The following KIF6 variants were observed in gnomAD, a reference collection of about 807,000 sequenced individuals.
KIF6 encodes kinesin family member 6, also known as kinesin-like protein KIF6.
In KIF6, 106 loss-of-function variants were observed where a neutral mutation model predicts 112.7. The ratio of observed to expected loss-of-function variants is 0.94; its 90% CI spans 0.80 to 1.11. The LOEUF (loss-of-function observed/expected upper bound fraction) is 1.11. Ranked by LOEUF, KIF6 falls within the 50% of genes least tolerant of loss-of-function variation. KIF6 has a pLI of 0.00. For synonymous variants in KIF6, 339 were observed against 339.9 expected (o/e 1.00, Z 0.03); for missense variants, 929 against 964.0 (o/e 0.96, Z 0.48).
intron 16 of KIF6, among the ~76,000 whole-genome samples, chr6:39,383,286 T>C (rs1183154432): frequency 3.9e-5 from 6 of 152,250 alleles, no homozygotes; most frequent in Non-Finnish European, 5.9e-5. Context: ...TCTAGAATTT[T>C]AACAGATTGA....
intron 3 of KIF6, chr6:39,691,184 G>A (rs1014243373): frequency 3.9e-5 from 6 of 152,182 alleles, no homozygotes; most frequent in Non-Finnish European, 8.8e-5. Flanking sequence ...AACTTAGCTG[G>A]AAACAAAGCT....
chr6:39,512,233 T>A (rs750574648), intron 13 of KIF6, among the ~76,000 whole-genome samples: 3 of 152,232 alleles, frequency 2.0e-5, no homozygotes, highest in African/African-American at 4.8e-5. Flanking sequence ...GAAACAATAT[T>A]TTTTTAAACT....
At chr6:39,455,085 A>G (rs1258862313) in intron 13 of KIF6, among the ~76,000 whole-genome samples, 1 of 151,914 alleles carries the variant, frequency 6.6e-6, no homozygotes, top group Non-Finnish European at 1.5e-5. Context: ...ACAAACAAAA[A>G]GACAGCAGTA....
chr6:39,381,118 T>C (rs1766893807), intron 16 of KIF6, among the ~76,000 whole-genome samples: 1 of 152,112 alleles, frequency 6.6e-6, no homozygotes, highest in East Asian at 1.9e-4. Context: ...GGATATGGGA[T>C]TGCCTTTATA....
intron 10 of KIF6, among the ~76,000 whole-genome samples, chr6:39,572,477 A>T (rs1039647914): frequency 1.3e-5 from 2 of 151,990 alleles, no homozygotes; most frequent in Admixed American, 1.3e-4. Context: ...CTGCAAGAAG[A>T]CCTCTTTTTC....
intron 3 of KIF6, chr6:39,691,142 C>A (rs190218373): frequency 2.0e-5 from 3 of 152,174 alleles, no homozygotes; most frequent in African/African-American, 4.8e-5. Flanking sequence ...CTGGTTGGAA[C>A]TGAATTAGGA....
chr6:39,503,344 G>A (rs769925006), intron 13 of KIF6, among the ~76,000 whole-genome samples: 1 of 152,178 alleles, frequency 6.6e-6, no homozygotes, highest in Non-Finnish European at 1.5e-5. Flanking sequence ...CTAAAGCTGT[G>A]TTACGAGAGA....
intron 16 of KIF6, among the ~76,000 whole-genome samples, chr6:39,384,324 C>T (rs1192238870): frequency 6.6e-6 from 1 of 152,204 alleles, no homozygotes; most frequent in Non-Finnish European, 1.5e-5. Context: ...CACCTTGGTA[C>T]AGTTTTCCAG....
chr6:39,666,558 C>T (rs970450208), intron 3 of KIF6, among the ~76,000 whole-genome samples: 103 of 152,286 alleles, frequency 6.8e-4, no homozygotes, highest in African/African-American at 2.5e-3. Flanking sequence ...CTTCTACAGT[C>T]AAATCTCTAG....
intron 9 of KIF6, among the ~76,000 whole-genome samples, chr6:39,584,293 G>A (rs919979388): frequency 7.3e-5 from 11 of 150,972 alleles, no homozygotes; most frequent in Non-Finnish European, 1.3e-4. Flanking sequence ...TTGTGGCGGC[G>A]TGTGTCTGTG....
At chr6:39,440,049 T>G (rs568120764) in intron 13 of KIF6, among the ~76,000 whole-genome samples, 8 of 152,270 alleles carry the variant, frequency 5.3e-5, no homozygotes, top group African/African-American at 1.9e-4. Flanking sequence ...TTGGGAGATA[T>G]TCACTCGCGT....
chr6:39,673,654 A>C (rs1383779157), intron 3 of KIF6, among the ~76,000 whole-genome samples: 1 of 152,248 alleles, frequency 6.6e-6, no homozygotes, highest in Non-Finnish European at 1.5e-5. Flanking sequence ...TTATCAGCTG[A>C]GAAAAGATAA....
chr6:39,651,672 A>G (rs1475857750), intron 3 of KIF6, among the ~76,000 whole-genome samples: 2 of 152,212 alleles, frequency 1.3e-5, no homozygotes, highest in Non-Finnish European at 2.9e-5. Context: ...TTTGTGTAAA[A>G]TGGAAGACAT....
At chr6:39,514,955 T>C (rs1029049086) in intron 13 of KIF6, among the ~76,000 whole-genome samples, 1 of 152,250 alleles carries the variant, frequency 6.6e-6, no homozygotes, top group Non-Finnish European at 1.5e-5. Context: ...GCTTAAGTAA[T>C]GTGTTTTTAC....
rs145078743 is a variant in KIF6 at position 39,613,181 on chromosome 6, T to C, written c.639+8A>G. 9 of 1,577,588 alleles carry C rather than the reference T, an allele frequency of 5.7e-6. 1 individual carries two copies. Among genetic ancestry groups the C allele is most frequent in the Middle Eastern group, 1.7e-4 (1 of 5,906 alleles). On this transcript the variant is annotated splice_region_variant and intron_variant, in intron 6 of 22. Coordinates refer to ENST00000287152, the MANE Select transcript of KIF6 (RefSeq NM_145027.6). ...TGAAGAAACAGCTTGCAGAGAGAAG[T>C]TTATTACCTCTGCAATCATTCGGTT...
chr6:39,493,904 T>A (rs999535722), intron 13 of KIF6, among the ~76,000 whole-genome samples: 7 of 152,216 alleles, frequency 4.6e-5, no homozygotes, highest in Non-Finnish European at 7.3e-5. Flanking sequence ...TTTGGCCTCT[T>A]TCTATACACA....
chr6:39,536,444 C>T (rs897036054), intron 13 of KIF6, among the ~76,000 whole-genome samples: 46 of 151,496 alleles, frequency 3.0e-4, no homozygotes, highest in Non-Finnish European at 5.9e-4. Flanking sequence ...CAACTCTATG[C>T]AAATAAACTA....
intron 5 of KIF6, among the ~76,000 whole-genome samples, chr6:39,617,941 CT>C (rs1204315168): frequency 6.6e-6 from 1 of 152,110 alleles, no homozygotes; most frequent in East Asian, 1.9e-4. Context: ...CTTTTTGTTT[CT>C]CCCCAACACA....
intron 10 of KIF6, among the ~76,000 whole-genome samples, chr6:39,563,192 C>T (rs570744445): frequency 7.2e-5 from 11 of 152,136 alleles, no homozygotes; most frequent in East Asian, 1.9e-4. Flanking sequence ...AGTGAGATCG[C>T]GCCACTGCAC....
Sources: gnomAD v4.1 joint callset for allele counts (sites outside exome capture counted in the v4.1 genomes callset) on GRCh38, gnomAD v4.1.1 for gene constraint, MANE v1.5 for transcripts, NCBI Gene and HGNC (gene_info 2026-07-23, HGNC 2026-07-21) for gene names.